The following SERPINB11 variants were observed in gnomAD, a reference collection of about 807,000 sequenced individuals.
SERPINB11 encodes serpin family B member 11, also known as serpin B11.
A neutral mutation model predicts 36.7 loss-of-function variants in SERPINB11; 32 were observed. That is an observed-to-expected ratio of 0.87 (90% CI 0.66 to 1.17). The LOEUF (loss-of-function observed/expected upper bound fraction) is 1.17. Among genes scored for constraint, SERPINB11 ranks in the 50% most tolerant of loss-of-function variants. SERPINB11 has a pLI of 0.00. For missense variants in SERPINB11, 528 were observed against 458.4 expected (o/e 1.15, Z -1.39); for synonymous variants, 174 against 168.1 (o/e 1.04, Z -0.27).
chr18:63,719,280 T>A (rs1437112685), intron 5 of SERPINB11, among the ~76,000 whole-genome samples: 4 of 152,146 alleles, frequency 2.6e-5, no homozygotes, highest in Non-Finnish European at 5.9e-5. Context: ...ATACATTGTA[T>A]GCTTAAGGTT....
intron 2 of SERPINB11, among the ~76,000 whole-genome samples, chr18:63,710,781 C>T (rs1456266752): frequency 3.9e-5 from 6 of 152,110 alleles, no homozygotes; most frequent in African/African-American, 1.2e-4. Flanking sequence ...GAATTGTTAT[C>T]CACACTTTAT....
intron 7 of SERPINB11, 46 bp downstream of exon 7, chr18:63,721,032 G>T: frequency 4.1e-6 from 6 of 1,456,358 alleles, no homozygotes; most frequent in Non-Finnish European, 5.7e-6. Flanking sequence ...ATGTGTGCAT[G>T]TTAACACACA....
intron 1 of SERPINB11, among the ~76,000 whole-genome samples, chr18:63,708,198 G>C (rs1914421473): frequency 6.6e-6 from 1 of 152,220 alleles, no homozygotes; most frequent in Non-Finnish European, 1.5e-5. Context: ...AGATCACAGA[G>C]GGTCTTGCTG....
intron 1 of SERPINB11, among the ~76,000 whole-genome samples, chr18:63,704,423 T>C (rs1335204155): frequency 6.6e-6 from 1 of 152,186 alleles, no homozygotes; most frequent in Non-Finnish European, 1.5e-5. Flanking sequence ...AGGTAGAATT[T>C]TGGAAAATGA....
chr18:63,722,968 T>C, intron 7 of SERPINB11, 27 bp from the exon 8 acceptor site: 1 of 1,531,062 alleles, frequency 6.5e-7, no homozygotes, highest in South Asian at 1.3e-5. Context: ...TTGACTCATG[T>C]GGGCTTGTCT....
At position 63,722,985 on chromosome 18, in the gene SERPINB11, T is replaced by TAAA. The variant is rs746014804; in HGVS notation, c.775-10_775-9insAAA. The TAAA allele has an allele frequency of 7.1e-5, 110 of 1,549,210 alleles. No individual in the cohort carries two copies. Among genetic ancestry groups the TAAA allele is most frequent in the Middle Eastern group, 3.5e-4 (2 of 5,770 alleles). On this transcript the variant is annotated splice_polypyrimidine_tract_variant and intron_variant, in intron 7 of 7. Transcript: ENST00000544088. The stretch of plus-strand genomic sequence containing the variant: ...GACTCATGTGGGCTTGTCTGTGTTT[T>TAAA]GTCTCTTAGATAGAAAAGCAGCTGA...
Position 63,723,640 on chromosome 18 carries a change from T to C in SERPINB11, c.*241T>C. On this transcript the variant is annotated 3_prime_UTR_variant, in exon 8 of 8. Coordinates refer to ENST00000544088, the MANE Select transcript of SERPINB11 (RefSeq NM_001370475.1). Reference sequence around the variant, plus strand: ...TTCTGGCTTTCTTATCTGTGGTGTCTCATTTGAGTGCTGTCCAGTGACATG... The same window carrying C: ...TTCTGGCTTTCTTATCTGTGGTGTCCCATTTGAGTGCTGTCCAGTGACATG... 1 of 431,086 alleles carries C rather than the reference T, an allele frequency of 2.3e-6. No individual in the cohort carries two copies. Among genetic ancestry groups the C allele is most frequent in the Middle Eastern group, 5.8e-4 (1 of 1,712 alleles). 26.7% of individuals were successfully genotyped at this position (431,086 alleles called of 1,614,324 possible). A position where few individuals can be genotyped will look rare whatever the true frequency, so the allele number is the denominator to read the frequency against.
At chr18:63,717,664 C>T (rs913696790) in intron 5 of SERPINB11, among the ~76,000 whole-genome samples, 11 of 151,758 alleles carry the variant, frequency 7.2e-5, no homozygotes, top group Non-Finnish European at 1.5e-5. Flanking sequence ...CTGTTTAAAT[C>T]TTTTGCCCAC....
chr18:63,717,208 G>T (rs1355902796), intron 5 of SERPINB11, among the ~76,000 whole-genome samples: 2 of 151,748 alleles, frequency 1.3e-5, no homozygotes, highest in African/African-American at 2.4e-5. Flanking sequence ...CACATTGCAT[G>T]GTTTGTTCAT....
At chr18:63,710,858 T>A (rs1914505109) in intron 2 of SERPINB11, among the ~76,000 whole-genome samples, 1 of 152,214 alleles carries the variant, frequency 6.6e-6, no homozygotes, top group Non-Finnish European at 1.5e-5. Context: ...CGTTAGAGAT[T>A]TTCCCATTAC....
At chr18:63,711,293 A>G in intron 2 of SERPINB11, 42 bp from the exon 3 acceptor site, 1 of 1,368,188 alleles carries the variant, frequency 7.3e-7, no homozygotes, top group East Asian at 2.3e-5. Flanking sequence ...TAGACTGTAC[A>G]TTGCTTCTGA....
Position 63,723,156 on chromosome 18 carries a change from G to A in SERPINB11, c.936G>A (p.Gln312=), listed in dbSNP as rs778257163. The part of the protein sequence containing the change: ...KSLGVTDLFN[Q]VKADLSGMSP... ...TAGGGGTGACAGATCTCTTCAACCAGGTCAAAGCTGATCTTTCTGGAATGT... is the reference window on the plus strand; with the variant it reads ...TAGGGGTGACAGATCTCTTCAACCAAGTCAAAGCTGATCTTTCTGGAATGT... Residue 312 remains glutamine, a synonymous_variant, in exon 8 of 8, where the codon CAG becomes CAA. Coordinates refer to ENST00000544088, the MANE Select transcript of SERPINB11 (RefSeq NM_001370475.1). 1.1e-5 allele frequency: 18 copies of A among 1,611,850 alleles called. No homozygotes were observed. The African/African-American group carries it at 1.7e-4, about 16-fold the overall frequency.
rs1188650292 is a variant in SERPINB11, at chr18:63,723,648, G to A, written c.*249G>A. 2 of 410,956 alleles carry A rather than the reference G, an allele frequency of 4.9e-6. No homozygotes were observed. Among genetic ancestry groups the A allele is most frequent in the African/African-American group, 4.0e-5 (2 of 49,638 alleles). The allele number at this position is 410,956 out of a possible 1,614,324, so 25.5% of individuals were successfully genotyped here. A position where few individuals can be genotyped will look rare whatever the true frequency, so the allele number is the denominator to read the frequency against. ...TTCTTATCTGTGGTGTCTCATTTGA[G>A]TGCTGTCCAGTGACATGATCAAGTC... is the stretch of plus-strand genomic sequence containing the variant. On this transcript the variant is annotated 3_prime_UTR_variant, in exon 8 of 8. Coordinates refer to ENST00000544088, the MANE Select transcript of SERPINB11 (RefSeq NM_001370475.1).
chr18:63,722,576 A>G (rs968915552), intron 7 of SERPINB11, among the ~76,000 whole-genome samples: 1 of 152,190 alleles, frequency 6.6e-6, no homozygotes, highest in Non-Finnish European at 1.5e-5. Context: ...GTGCATGGGG[A>G]TCCTGGCATC....
At chr18:63,718,072 C>T (rs1339636319) in intron 5 of SERPINB11, among the ~76,000 whole-genome samples, 2 of 151,986 alleles carry the variant, frequency 1.3e-5, no homozygotes, top group Admixed American at 1.3e-4. Flanking sequence ...TTCATTATTG[C>T]ACTGCAATGT....
intron 5 of SERPINB11, among the ~76,000 whole-genome samples, chr18:63,718,995 A>G (rs921073763): frequency 1.3e-5 from 2 of 152,070 alleles, no homozygotes; most frequent in Non-Finnish European, 2.9e-5. Flanking sequence ...AGGTTACTTG[A>G]AAAAGCCCAC....
At chr18:63,717,556 T>C (rs1011467708) in intron 5 of SERPINB11, among the ~76,000 whole-genome samples, 1 of 152,108 alleles carries the variant, frequency 6.6e-6, no homozygotes, top group Non-Finnish European at 1.5e-5. Flanking sequence ...TTGTTAACTT[T>C]AGCCACTGTA....
intron 5 of SERPINB11, among the ~76,000 whole-genome samples, chr18:63,718,377 A>C (rs573217528): frequency 8.0e-4 from 121 of 152,104 alleles, no homozygotes; most frequent in Non-Finnish European, 1.4e-3. Flanking sequence ...AGATTTGGAG[A>C]GAAAATACAT....
intron 6 of SERPINB11, chr18:63,720,408 T>G: frequency 2.2e-6 from 1 of 463,554 alleles, no homozygotes; most frequent in Non-Finnish European, 3.8e-6. Context: ...TTCTTAATGC[T>G]CTCTTGGCTT....
Sources: allele counts gnomAD v4.1 joint callset (sites outside exome capture counted in the v4.1 genomes callset), GRCh38; gene constraint gnomAD v4.1.1; transcripts MANE v1.5; gene names NCBI Gene and HGNC (gene_info 2026-07-23, HGNC 2026-07-21).